CADM2: variants seen among roughly 807,000 people sequenced by gnomAD.
The protein encoded by CADM2 is cell adhesion molecule 2.
Under a neutral mutation model 49.8 loss-of-function variants are expected in CADM2, and 12 were observed. The ratio of observed to expected loss-of-function variants is 0.24; its 90% CI spans 0.15 to 0.39. The LOEUF is 0.39. CADM2 is among the 10% of genes least tolerant of loss of function. CADM2 has a pLI of 1.00. For missense variants in CADM2, 378 were observed against 492.3 expected (o/e 0.77, Z 2.20); for synonymous variants, 214 against 175.4 (o/e 1.22, Z -1.74).
At chr3:85,381,584 T>A (rs2033910703) in intron 1 of CADM2, among the ~76,000 whole-genome samples, 1 of 64,530 alleles carries the variant, frequency 1.5e-5, no homozygotes, top group Non-Finnish European at 4.3e-5. Context: ...TATGTAGCCA[T>A]TCCTTATTTT....
At chr3:86,056,772 G>C (rs1738040230) in intron 8 of CADM2, among the ~76,000 whole-genome samples, 1 of 152,156 alleles carries the variant, frequency 6.6e-6, no homozygotes, top group Admixed American at 6.5e-5. Flanking sequence ...AGAAAATGGT[G>C]ATTTTATAAT....
chr3:85,335,091 A>G (rs1420599362), intron 1 of CADM2, among the ~76,000 whole-genome samples: 1 of 151,508 alleles, frequency 6.6e-6, no homozygotes, highest in Non-Finnish European at 1.5e-5. Flanking sequence ...AAATGCTACA[A>G]ACATGTTCGG....
At chr3:85,855,602 C>CATATATATATATATATAAAACAT (rs10537642) in intron 3 of CADM2, among the ~76,000 whole-genome samples, 1 of 129,376 alleles carries the variant, frequency 7.7e-6, no homozygotes, top group Non-Finnish European at 1.7e-5. Context: ...ATATATAAAA[C>CATATATATATATATATAAAACAT]ATATATATAT....
chr3:85,416,092 T>G (rs2035907556), intron 1 of CADM2, among the ~76,000 whole-genome samples: 1 of 152,148 alleles, frequency 6.6e-6, no homozygotes, highest in African/African-American at 2.4e-5. Flanking sequence ...ACTTTTCCTA[T>G]ATTTTTCTAT....
intron 1 of CADM2, among the ~76,000 whole-genome samples, chr3:85,528,765 T>A (rs2061230483): frequency 6.6e-6 from 1 of 152,222 alleles, no homozygotes. Context: ...TTTTATGTAC[T>A]TCTACACTAA....
intron 1 of CADM2, among the ~76,000 whole-genome samples, chr3:85,585,034 A>C (rs914211643): frequency 6.6e-6 from 1 of 152,012 alleles, no homozygotes; most frequent in Non-Finnish European, 1.5e-5. Context: ...AAAAATATTA[A>C]ATGGAAACTT....
At chr3:85,243,421 A>G (rs916196144) in intron 1 of CADM2, among the ~76,000 whole-genome samples, 4 of 152,080 alleles carry the variant, frequency 2.6e-5, no homozygotes, top group African/African-American at 9.6e-5. Flanking sequence ...TCACTTAGGT[A>G]TGTGCCCAAC....
intron 1 of CADM2, among the ~76,000 whole-genome samples, chr3:85,600,502 G>A (rs1053171604): frequency 6.6e-6 from 1 of 151,856 alleles, no homozygotes; most frequent in African/African-American, 2.4e-5. Flanking sequence ...TGATTCCAGA[G>A]ACTTGATAGC....
chr3:85,551,612 A>G (rs1447642319), intron 1 of CADM2, among the ~76,000 whole-genome samples: 1 of 152,206 alleles, frequency 6.6e-6, no homozygotes, highest in Non-Finnish European at 1.5e-5. Context: ...TTGTCTACTT[A>G]AAGAAACTGT....
At chr3:85,390,563 T>A (rs899215378) in intron 1 of CADM2, among the ~76,000 whole-genome samples, 11 of 152,070 alleles carry the variant, frequency 7.2e-5, no homozygotes, top group Non-Finnish European at 1.5e-4. Flanking sequence ...CTATTCCTGT[T>A]TTCTCCTCTT....
At chr3:85,147,509 A>G (rs1036634718) in intron 1 of CADM2, among the ~76,000 whole-genome samples, 9 of 152,060 alleles carry the variant, frequency 5.9e-5, no homozygotes, top group African/African-American at 9.7e-5. Context: ...AGGCATTATC[A>G]GTATTGCCAT....
intron 1 of CADM2, among the ~76,000 whole-genome samples, chr3:85,448,759 A>G (rs757736634): frequency 3.3e-5 from 5 of 152,026 alleles, no homozygotes; most frequent in Admixed American, 1.3e-4. Context: ...TTTAAAAATA[A>G]TAAAAATTCG....
intron 1 of CADM2, among the ~76,000 whole-genome samples, chr3:85,257,948 A>G (rs2042926328): frequency 6.6e-6 from 1 of 152,152 alleles, no homozygotes; most frequent in Non-Finnish European, 1.5e-5. Context: ...ACATCAGTAT[A>G]ATGTCTTTTT....
At chr3:85,113,090 TTGTATTTC>T (rs2038519945) in intron 1 of CADM2, among the ~76,000 whole-genome samples, 1 of 152,062 alleles carries the variant, frequency 6.6e-6, no homozygotes, top group African/African-American at 2.4e-5. Context: ...CTTCAGCTCA[TTGTATTTC>T]TTAGTTTTCC....
intron 1 of CADM2, among the ~76,000 whole-genome samples, chr3:85,566,073 A>G (rs1293309353): frequency 1.3e-5 from 2 of 152,112 alleles, no homozygotes; most frequent in Non-Finnish European, 2.9e-5. Flanking sequence ...TTAGAAATAC[A>G]TTGTTTTAAA....
chr3:85,266,132 T>C (rs1053921259), intron 1 of CADM2, among the ~76,000 whole-genome samples: 2 of 151,904 alleles, frequency 1.3e-5, no homozygotes, highest in South Asian at 2.1e-4. Flanking sequence ...TACCTGTCTG[T>C]AGGTGGTGAG....
chr3:85,692,950 CCGGG>C (rs1559596364), intron 1 of CADM2, among the ~76,000 whole-genome samples: 2 of 152,112 alleles, frequency 1.3e-5, no homozygotes, highest in African/African-American at 2.4e-5. Context: ...CAGAAGGAGG[CCGGG>C]CGGAGTGGTT....
At chr3:85,292,563 A>G (rs2043831435) in intron 1 of CADM2, among the ~76,000 whole-genome samples, 1 of 152,032 alleles carries the variant, frequency 6.6e-6, no homozygotes, top group African/African-American at 2.4e-5. Context: ...AGCAAATGTA[A>G]AAGAACTGAA....
In CADM2 at chr3:85,989,966, C is replaced by A. The variant is rs572629962; in HGVS notation, c.970+28319C>A. Among the ~76,000 whole-genome samples the A allele has an allele frequency of 6.1e-5, 7 of 115,112 alleles. No individual in the cohort carries two copies. The South Asian group carries it at 1.9e-3, about 32-fold the overall frequency. 75.5% of individuals were successfully genotyped at this position (115,112 alleles called of 152,430 possible). On this transcript the variant is annotated intron_variant, in intron 8 of 9. Transcript: ENST00000383699. ...AGGGGAGGTTACAGTGAGCTGAGAT[C>A]GCACCACTGCCCTCCAGCCTGGGCG...
Sources: gnomAD v4.1 joint callset for allele counts (sites outside exome capture counted in the v4.1 genomes callset) on GRCh38, gnomAD v4.1.1 for gene constraint, MANE v1.5 for transcripts, NCBI Gene and HGNC (gene_info 2026-07-23, HGNC 2026-07-21) for gene names.